The following ARHGAP24 variants were observed in gnomAD, a reference collection of about 807,000 sequenced individuals.
ARHGAP24 encodes Rho GTPase activating protein 24.
In ARHGAP24, 50 loss-of-function variants were observed where a neutral mutation model predicts 76.4. The ratio of observed to expected loss-of-function variants is 0.65; its 90% CI spans 0.52 to 0.83. ARHGAP24 has a LOEUF of 0.83. ARHGAP24 is among the 40% of genes least tolerant of loss of function. ARHGAP24 has a pLI of 0.00. For synonymous variants in ARHGAP24, 345 were observed against 323.3 expected, an observed-to-expected ratio of 1.07 and a Z score of -0.72; for missense variants, 930 against 914.2, an observed-to-expected ratio of 1.02 and a Z score of -0.22.
At chr4:85,495,043 C>G (rs556957120) in intron 1 of ARHGAP24, among the ~76,000 whole-genome samples, 1 of 145,608 alleles carries the variant, frequency 6.9e-6, no homozygotes, top group African/African-American at 2.6e-5. Flanking sequence ...TGCAGTGAGC[C>G]GAGATCGCGC....
intron 2 of ARHGAP24, among the ~76,000 whole-genome samples, chr4:85,590,561 T>C (rs575217383): frequency 5.9e-5 from 9 of 152,114 alleles, no homozygotes; most frequent in Admixed American, 3.9e-4. Context: ...GGTTTCACCA[T>C]GTTGGCCAGG....
In ARHGAP24 at chr4:85,995,261, A is replaced by T; in HGVS notation, c.1607A>T (p.His536Leu). The change falls in exon 9 of 10, where the codon CAT (histidine) becomes CTT (leucine). Residue 536 changes from histidine to leucine, a missense_variant. Physicochemically the swap from His to Leu is moderately conservative, Grantham distance 99. Transcript: ENST00000395184. ...AGACTGTCCACCTATGATAATGTCC[A>T]TCAACAGTTCTCCATGATGAACCTT... is the stretch of plus-strand genomic sequence containing the variant. The part of the protein sequence containing the change: ...HNRLSTYDNV[H>L]QQFSMMNLDD... 6.2e-7 allele frequency: 1 copy of T among 1,614,076 alleles called. No homozygotes were observed. The highest frequency in any genetic ancestry group is 8.5e-7 in the Non-Finnish European group (1 of 1,180,034).
intron 2 of ARHGAP24, among the ~76,000 whole-genome samples, chr4:85,638,710 C>T (rs1721412331): frequency 6.6e-6 from 1 of 152,126 alleles, no homozygotes; most frequent in Non-Finnish European, 1.5e-5. Flanking sequence ...TCAGTTTACA[C>T]TTAACTAGCA....
At chr4:85,690,733 A>T (rs1459494470) in intron 2 of ARHGAP24, among the ~76,000 whole-genome samples, 4 of 140,222 alleles carry the variant, frequency 2.9e-5, no homozygotes, top group Admixed American at 7.0e-5. Flanking sequence ...TTTGCTCTTA[A>T]TCTAGCCAGT....
chr4:85,578,166 C>G (rs1313542925), intron 2 of ARHGAP24, among the ~76,000 whole-genome samples: 1 of 152,186 alleles, frequency 6.6e-6, no homozygotes, highest in Non-Finnish European at 1.5e-5. Flanking sequence ...CCGTGGCAGT[C>G]CTGCAACTCC....
intron 2 of ARHGAP24, among the ~76,000 whole-genome samples, chr4:85,625,118 T>C (rs1190617232): frequency 4.6e-5 from 7 of 152,188 alleles, no homozygotes; most frequent in Non-Finnish European, 7.3e-5. Flanking sequence ...TGCTAGCTTT[T>C]GAATGTGTTT....
At chr4:85,800,115 C>T (rs982148833) in intron 3 of ARHGAP24, among the ~76,000 whole-genome samples, 4 of 152,042 alleles carry the variant, frequency 2.6e-5, no homozygotes, top group African/African-American at 4.8e-5. Flanking sequence ...TAATACTGTA[C>T]CAAAATTAAT....
intron 3 of ARHGAP24, among the ~76,000 whole-genome samples, chr4:85,802,896 A>G (rs1412172597): frequency 1.3e-5 from 2 of 152,370 alleles, no homozygotes; most frequent in African/African-American, 2.4e-5. Flanking sequence ...AATAATTTGT[A>G]TGGTAAGTCG....
chr4:85,930,330 G>A (rs1246735467), intron 4 of ARHGAP24: 2 of 986,902 alleles, frequency 2.0e-6, no homozygotes, highest in African/African-American at 3.5e-5. Flanking sequence ...CAAAGGATGG[G>A]GGGTGCTATA....
intron 1 of ARHGAP24, among the ~76,000 whole-genome samples, chr4:85,494,185 G>A (rs1723467489): frequency 6.6e-6 from 1 of 151,840 alleles, no homozygotes; most frequent in South Asian, 2.1e-4. Flanking sequence ...AAATGGTATG[G>A]ATATGCAGAA....
At chr4:85,529,833 G>GTGACAT (rs2110115963) in intron 1 of ARHGAP24, among the ~76,000 whole-genome samples, 1 of 152,086 alleles carries the variant, frequency 6.6e-6, no homozygotes, top group South Asian at 2.1e-4. Context: ...AAAACCTGAT[G>GTGACAT]TGACATCTGG....
chr4:85,530,588 ATTATAT>A (rs1725218685), intron 1 of ARHGAP24, among the ~76,000 whole-genome samples: 1 of 151,996 alleles, frequency 6.6e-6, no homozygotes, highest in South Asian at 2.1e-4. Context: ...ACTGGGAAAT[ATTATAT>A]TTATATGTTT....
At chr4:85,612,295 T>G (rs1720415526) in intron 2 of ARHGAP24, among the ~76,000 whole-genome samples, 1 of 147,056 alleles carries the variant, frequency 6.8e-6, no homozygotes, top group Non-Finnish European at 1.5e-5. Context: ...TGGGCGCCTG[T>G]AGTCCCAGCT....
chr4:85,661,275 G>C (rs1722376448), intron 2 of ARHGAP24, among the ~76,000 whole-genome samples: 1 of 152,060 alleles, frequency 6.6e-6, no homozygotes, highest in African/African-American at 2.4e-5. Context: ...ATTAATTGGA[G>C]AATGAATCTA....
intron 1 of ARHGAP24, among the ~76,000 whole-genome samples, chr4:85,534,940 A>G (rs1215292563): frequency 2.6e-5 from 4 of 151,462 alleles, no homozygotes; most frequent in Admixed American, 1.3e-4. Flanking sequence ...AAAAAAAAAA[A>G]AAAAGAAAGA....
chr4:85,995,208 A>C lies in ARHGAP24; in HGVS notation c.1554A>C (p.Glu518Asp). 1 of 1,614,012 alleles carries C rather than the reference A, an allele frequency of 6.2e-7. No individual in the cohort carries two copies. Among genetic ancestry groups the C allele is most frequent in the Non-Finnish European group, 8.5e-7 (1 of 1,180,026 alleles). ...YVTLRDNKQK[E>D]QAGELGQHNR... ...CCCTGAGGGATAACAAGCAGAAAGA[A>C]CAAGCTGGAGAGTTAGGCCAGCACA... is the stretch of plus-strand genomic sequence containing the variant. Residue 518 changes from glutamate to aspartate, a missense_variant, in exon 9 of 10, where the codon GAA (glutamate) becomes GAC (aspartate). Transcript: ENST00000395184.
Position 85,532,289 on chromosome 4 carries a change from G to A in ARHGAP24, c.-20-38233G>A, listed in dbSNP as rs117920911. Reference sequence around the variant, plus strand: ...TAGAATTACTCTAGATGGCTTAAATGTAGTGACTTCAAGGAATGAATTCCT... The same window carrying A: ...TAGAATTACTCTAGATGGCTTAAATATAGTGACTTCAAGGAATGAATTCCT... On this transcript the variant is annotated intron_variant, in intron 1 of 9. Coordinates refer to ENST00000395184, the MANE Select transcript of ARHGAP24 (RefSeq NM_001025616.3). 9.5e-3 allele frequency among the ~76,000 whole-genome samples: 1,448 copies of A among 152,258 alleles called. 12 individuals are homozygous for A. The highest frequency in any genetic ancestry group is 0.019 in the East Asian group (96 of 5,188).
chr4:85,622,104 A>G (rs868206404), intron 2 of ARHGAP24, among the ~76,000 whole-genome samples: 2 of 151,600 alleles, frequency 1.3e-5, no homozygotes, highest in Admixed American at 1.3e-4. Context: ...TAAAAATTTT[A>G]TTATTATTAT....
intron 2 of ARHGAP24, among the ~76,000 whole-genome samples, chr4:85,573,431 T>C (rs554036450): frequency 1.3e-5 from 2 of 152,316 alleles, no homozygotes; most frequent in South Asian, 4.1e-4. Flanking sequence ...ACATGGTAAC[T>C]GTTAATAGCA....
Sources: gnomAD v4.1 joint callset for allele counts (sites outside exome capture counted in the v4.1 genomes callset) on GRCh38, gnomAD v4.1.1 for gene constraint, MANE v1.5 for transcripts, NCBI Gene and HGNC (gene_info 2026-07-23, HGNC 2026-07-21) for gene names.